The following PPP2R2B variants were observed in gnomAD, a reference collection of about 807,000 sequenced individuals.
PPP2R2B encodes the protein protein phosphatase 2 regulatory subunit Bbeta.
A neutral mutation model predicts 46.0 loss-of-function variants in PPP2R2B; 5 were observed. That is an observed-to-expected ratio of 0.11 (90% confidence interval 0.06 to 0.23). PPP2R2B has a LOEUF of 0.23. PPP2R2B is among the 10% of genes least tolerant of loss of function. PPP2R2B has a pLI of 1.00. For synonymous variants in PPP2R2B, 215 were observed against 206.7 expected (o/e 1.04, Z -0.34); for missense variants, 367 against 575.0 (o/e 0.64, Z 3.70).
chr5:146,675,607 T>C (rs1777657600), intron 5 of PPP2R2B, among the ~76,000 whole-genome samples: 1 of 152,162 alleles, frequency 6.6e-6, no homozygotes, highest in South Asian at 2.1e-4. Context: ...TGGGAAAGCC[T>C]TGGTGGCTGC....
In PPP2R2B at chr5:147,026,852, G is replaced by C. The variant is rs1283819449; in HGVS notation, c.79+28813C>G. ...ACTCTCATACACTGCTGGTGAGAGT[G>C]TAACTACTTTGGAAAATAGTTTGGA... On this transcript the variant is annotated intron_variant, in intron 1 of 8. Coordinates refer to the PPP2R2B transcript ENST00000336640. Among the ~76,000 whole-genome samples, 4 of 152,170 alleles carry C rather than the reference G, an allele frequency of 2.6e-5. No homozygotes were observed. In the South Asian group the frequency reaches 8.3e-4, roughly 32 times the overall value.
At chr5:146,727,657 C>T (rs982126269) in intron 2 of PPP2R2B, among the ~76,000 whole-genome samples, 12 of 151,662 alleles carry the variant, frequency 7.9e-5, no homozygotes, top group South Asian at 4.2e-4. Context: ...CACTTGTACC[C>T]GTAAGTCAAA....
chr5:146,738,987 A>C lies in PPP2R2B; in HGVS notation c.71-37845T>G, dbSNP rs561300540. Reference sequence around the variant, plus strand: ...CACATACATTGTAATATAATGCAATAGGAATTAAGATAAGGATAACATCTA... The same window carrying C: ...CACATACATTGTAATATAATGCAATCGGAATTAAGATAAGGATAACATCTA... On this transcript the variant is annotated intron_variant, in intron 2 of 9. Coordinates refer to ENST00000394411, the MANE Select transcript of PPP2R2B (RefSeq NM_181675.4). 2.0e-5 allele frequency among the ~76,000 whole-genome samples: 3 copies of C among 151,266 alleles called. No individual in the cohort carries two copies. In the South Asian group the frequency reaches 6.3e-4, roughly 32 times the overall value.
chr5:146,696,629 C>T (rs1339821089), intron 4 of PPP2R2B, among the ~76,000 whole-genome samples: 1 of 152,106 alleles, frequency 6.6e-6, no homozygotes, highest in African/African-American at 2.4e-5. Flanking sequence ...TGTGGTTTGG[C>T]TTCCAAGAAA....
intron 1 of PPP2R2B, among the ~76,000 whole-genome samples, chr5:146,923,988 T>A (rs1191640415): frequency 6.6e-6 from 1 of 152,106 alleles, no homozygotes; most frequent in Non-Finnish European, 1.5e-5. Flanking sequence ...GAAAACCAAG[T>A]ACAGCATGTT....
At chr5:146,750,654 T>C (rs1753500073) in intron 2 of PPP2R2B, among the ~76,000 whole-genome samples, 1 of 152,186 alleles carries the variant, frequency 6.6e-6, no homozygotes, top group Non-Finnish European at 1.5e-5. Context: ...GGATTGTGGC[T>C]TGCTGGAGGA....
intron 1 of PPP2R2B, among the ~76,000 whole-genome samples, chr5:147,033,661 C>T (rs1324299881): frequency 6.6e-6 from 1 of 152,066 alleles, no homozygotes; most frequent in Non-Finnish European, 1.5e-5. Flanking sequence ...TATAAGCCTA[C>T]ATAGCAAGTC....
rs557749602 is a variant in PPP2R2B at position 147,081,028 on chromosome 5, G to T, written c.50+31C>A. The T allele has an allele frequency of 3.3e-6, 5 of 1,519,934 alleles. No homozygotes were observed. In the African/African-American group the frequency reaches 5.5e-5, roughly 17 times the overall value. The allele number at this position is 1,519,934 out of a possible 1,614,324, so 94.2% of individuals were successfully genotyped here. A position where few individuals can be genotyped will look rare whatever the true frequency, so the allele number is the denominator to read the frequency against. On this transcript the variant is annotated intron_variant, in intron 2 of 10. Transcript: ENST00000394413. ...GAAATCAGCACAAACTCCCAAGGAG[G>T]CAAGGAAAAGGGCATGGGGATTTCT...
At position 147,040,606 on chromosome 5, in the gene PPP2R2B, T is replaced by G. The variant is rs1189424813; in HGVS notation, c.79+15059A>C. 1.2e-5 allele frequency: 4 copies of G among 339,172 alleles called. No individual in the cohort carries two copies. In the Admixed American group the frequency reaches 1.5e-4, roughly 13 times the overall value. 21.0% of individuals were successfully genotyped at this position (339,172 alleles called of 1,614,324 possible). Reference sequence around the variant, plus strand: ...GCCCTGAGCTCAAAATACTCAGGCTTGGCCCTTTACTTAGTGATGCTTCAG... The same window carrying G: ...GCCCTGAGCTCAAAATACTCAGGCTGGGCCCTTTACTTAGTGATGCTTCAG... On this transcript the variant is annotated intron_variant, in intron 1 of 8. Transcript: ENST00000336640.
intron 7 of PPP2R2B, 21 bp from the exon 8 acceptor site, chr5:146,600,481 A>G (rs1393599211): frequency 6.2e-7 from 1 of 1,612,352 alleles, no homozygotes. Context: ...AAAGCAAAAC[A>G]AGACAAATTT....
intron 2 of PPP2R2B, among the ~76,000 whole-genome samples, chr5:146,866,799 C>A (rs2151402802): frequency 6.6e-6 from 1 of 152,266 alleles, no homozygotes; most frequent in East Asian, 1.9e-4. Context: ...GGCTCTTCCT[C>A]ATGATCATAA....
In PPP2R2B at chr5:146,584,176, G is replaced by A. The variant is rs1770025231; in HGVS notation, c.*5771C>T. ...CTAAGCCCCTTCTTCTGGCCTGACA[G>A]TGATCATTGCTTTGATTGCAGCTGA... On this transcript the variant is annotated 3_prime_UTR_variant, in exon 10 of 10. Coordinates refer to ENST00000394411, the MANE Select transcript of PPP2R2B (RefSeq NM_181675.4). The A allele has an allele frequency of 6.6e-6, 1 of 152,316 alleles. No individual in the cohort carries two copies. Among genetic ancestry groups the A allele is most frequent in the Non-Finnish European group, 1.5e-5 (1 of 68,090 alleles). The allele number at this position is 152,316 out of a possible 1,614,324, so 9.4% of individuals were successfully genotyped here.
At chr5:147,062,549 A>G (rs944595038) in intron 2 of PPP2R2B, among the ~76,000 whole-genome samples, 1 of 152,160 alleles carries the variant, frequency 6.6e-6, no homozygotes, top group African/African-American at 2.4e-5. Context: ...GACATTAAAT[A>G]AAGTCAACTG....
intron 7 of PPP2R2B, among the ~76,000 whole-genome samples, chr5:146,620,778 A>C (rs192634769): frequency 1.3e-5 from 2 of 151,906 alleles, no homozygotes; most frequent in African/African-American, 2.4e-5. Context: ...CTTCCCTCTC[A>C]TAATTTGTTC....
At chr5:146,757,194 G>A (rs1753886839) in intron 2 of PPP2R2B, among the ~76,000 whole-genome samples, 1 of 152,114 alleles carries the variant, frequency 6.6e-6, no homozygotes, top group African/African-American at 2.4e-5. Flanking sequence ...AGGGAGGTAG[G>A]CAGGTTGCCC....
intron 2 of PPP2R2B, among the ~76,000 whole-genome samples, chr5:147,064,456 T>G (rs1757359566): frequency 6.6e-6 from 1 of 152,094 alleles, no homozygotes; most frequent in South Asian, 2.1e-4. Context: ...GGGTGCAAAA[T>G]TACCCTCCCA....
At chr5:146,752,871 G>A (rs962893742) in intron 2 of PPP2R2B, among the ~76,000 whole-genome samples, 1 of 152,192 alleles carries the variant, frequency 6.6e-6, no homozygotes, top group Non-Finnish European at 1.5e-5. Flanking sequence ...AACTCTGAAG[G>A]AAAGACACAT....
At chr5:146,647,715 A>AAAACATGTC (rs1406427119) in intron 6 of PPP2R2B, among the ~76,000 whole-genome samples, 1 of 152,232 alleles carries the variant, frequency 6.6e-6, no homozygotes, top group Non-Finnish European at 1.5e-5. Flanking sequence ...CAAAATTCAG[A>AAAACATGTC]AAACATGTCA....
chr5:147,055,974 G>A, exon 1 of PPP2R2B: 1 of 1,366,252 alleles, frequency 7.3e-7, no homozygotes, highest in Non-Finnish European at 9.4e-7. Context: ...AAGCCCCCAA[G>A]CAAGCCGGGA....
Sources: allele counts gnomAD v4.1 joint callset (sites outside exome capture counted in the v4.1 genomes callset), GRCh38; gene constraint gnomAD v4.1.1; transcripts MANE v1.5; gene names NCBI Gene and HGNC (gene_info 2026-07-23, HGNC 2026-07-21).